Variants in GPC5 observed in about 807,000 individuals in gnomAD.
The protein encoded by GPC5 is glypican-5.
In GPC5, 47 loss-of-function variants were observed where a neutral mutation model predicts 53.9. That is an observed-to-expected ratio of 0.87 (90% confidence interval 0.69 to 1.11). The LOEUF is 1.11. Ranked by LOEUF, GPC5 falls within the 50% of genes most tolerant of loss-of-function variation. GPC5 has a pLI of 0.00. For missense variants in GPC5, 748 were observed against 713.1 expected (o/e 1.05, Z -0.56); for synonymous variants, 286 against 263.3 (o/e 1.09, Z -0.84).
intron 5 of GPC5, among the ~76,000 whole-genome samples, chr13:91,759,670 T>G (rs2037368684): frequency 6.6e-6 from 1 of 151,996 alleles, no homozygotes; most frequent in Non-Finnish European, 1.5e-5. Flanking sequence ...CATAATGGCC[T>G]CCAGTTCCAT....
At chr13:91,838,928 G>A (rs1224919340) in intron 5 of GPC5, among the ~76,000 whole-genome samples, 1 of 152,022 alleles carries the variant, frequency 6.6e-6, no homozygotes, top group Non-Finnish European at 1.5e-5. Flanking sequence ...TCATGAAATA[G>A]AGCCCTGAAC....
At chr13:91,529,905 A>T (rs2138655161) in intron 2 of GPC5, among the ~76,000 whole-genome samples, 1 of 152,032 alleles carries the variant, frequency 6.6e-6, no homozygotes, top group African/African-American at 2.4e-5. Context: ...CTGGCTCTCT[A>T]GTCTTGACCT....
At chr13:92,384,747 GAGC>G in intron 7 of GPC5, among the ~76,000 whole-genome samples, 1 of 152,166 alleles carries the variant, frequency 6.6e-6, no homozygotes, top group East Asian at 1.9e-4. Context: ...TTTAGAGAGA[GAGC>G]AGCATTTTCC....
At chr13:92,706,469 G>A (rs1186196274) in intron 7 of GPC5, among the ~76,000 whole-genome samples, 1 of 152,080 alleles carries the variant, frequency 6.6e-6, no homozygotes. Flanking sequence ...TAGCACTAGT[G>A]TTGGAAAATG....
intron 2 of GPC5, among the ~76,000 whole-genome samples, chr13:91,581,482 T>G (rs1012162185): frequency 5.3e-5 from 8 of 152,220 alleles, no homozygotes; most frequent in Non-Finnish European, 7.4e-5. Flanking sequence ...TGCTCTGATC[T>G]GCCTGCTTTC....
rs2040846025 is a variant in GPC5, at chr13:92,031,738, A to G, written c.1402-113092A>G. The stretch of plus-strand genomic sequence containing the variant: ...ACATATATGTAATATATTACATATT[A>G]TATATAATATATATTATATTACATA... On this transcript the variant is annotated intron_variant, in intron 6 of 7. Coordinates refer to ENST00000377067, the MANE Select transcript of GPC5 (RefSeq NM_004466.6). Among the ~76,000 whole-genome samples, 3 of 68,212 alleles carry G rather than the reference A, an allele frequency of 4.4e-5. No homozygotes were observed. The South Asian group carries it at 1.1e-3, about 24-fold the overall frequency. The allele number at this position is 68,212 out of a possible 152,430, so 44.7% of individuals were successfully genotyped here.
At chr13:91,878,000 C>T (rs1360723991) in intron 5 of GPC5, among the ~76,000 whole-genome samples, 1 of 152,102 alleles carries the variant, frequency 6.6e-6, no homozygotes, top group African/African-American at 2.4e-5. Flanking sequence ...TTTTCTCTTG[C>T]CATTGCCATG....
At chr13:92,656,333 A>G (rs1475867435) in intron 7 of GPC5, among the ~76,000 whole-genome samples, 2 of 152,322 alleles carry the variant, frequency 1.3e-5, no homozygotes, top group African/African-American at 4.8e-5. Flanking sequence ...GATGAATTAA[A>G]AGGATGTTTA....
chr13:91,556,398 A>G (rs929881117), intron 2 of GPC5, among the ~76,000 whole-genome samples: 10 of 151,998 alleles, frequency 6.6e-5, no homozygotes, highest in Non-Finnish European at 1.0e-4. Flanking sequence ...AGAGGAAAAG[A>G]AGTCATTATA....
intron 2 of GPC5, among the ~76,000 whole-genome samples, chr13:91,538,675 C>T (rs773205085): frequency 6.6e-6 from 1 of 151,466 alleles, no homozygotes; most frequent in Admixed American, 6.6e-5. Flanking sequence ...CTCCGCCTCC[C>T]GGATTCACGC....
At chr13:91,411,214 GA>G (rs1184265217) in intron 1 of GPC5, among the ~76,000 whole-genome samples, 2 of 152,222 alleles carry the variant, frequency 1.3e-5, no homozygotes, top group Non-Finnish European at 2.9e-5. Flanking sequence ...GGAAATATAA[GA>G]TGGTTTTAAG....
chr13:92,731,147 A>G (rs1306566326), intron 7 of GPC5, among the ~76,000 whole-genome samples: 2 of 151,470 alleles, frequency 1.3e-5, no homozygotes, highest in Non-Finnish European at 3.0e-5. Context: ...AAAGAACTCA[A>G]TAGGTTGAGA....
At chr13:92,078,617 C>T (rs1257109174) in intron 6 of GPC5, among the ~76,000 whole-genome samples, 1 of 152,236 alleles carries the variant, frequency 6.6e-6, no homozygotes, top group East Asian at 1.9e-4. Flanking sequence ...TTTAATCATA[C>T]TTGTCAGTCT....
chr13:91,414,582 A>G (rs765624548), intron 1 of GPC5, among the ~76,000 whole-genome samples: 12 of 152,234 alleles, frequency 7.9e-5, no homozygotes, highest in Non-Finnish European at 1.6e-4. Context: ...TCAAGGGACA[A>G]TGAAGACAAA....
intron 6 of GPC5, among the ~76,000 whole-genome samples, chr13:92,100,762 G>A (rs1479848607): frequency 6.6e-6 from 1 of 152,178 alleles, no homozygotes; most frequent in Admixed American, 6.5e-5. Flanking sequence ...AGACCAAGGA[G>A]TTAGAAACTA....
chr13:92,049,635 G>A lies in GPC5; in HGVS notation c.1402-95195G>A, dbSNP rs563184139. Reference sequence around the variant, plus strand: ...GGGAAAGATACTCTAAAATGCATCAGACTATTAGTATTATGCAAATTAATA... The same window carrying A: ...GGGAAAGATACTCTAAAATGCATCAAACTATTAGTATTATGCAAATTAATA... On this transcript the variant is annotated intron_variant, in intron 6 of 7. Transcript: ENST00000377067. Among the ~76,000 whole-genome samples, 132 of 152,158 alleles carry A rather than the reference G, an allele frequency of 8.7e-4. 1 individual carries two copies. The Middle Eastern group carries it at 0.034, about 39-fold the overall frequency.
intron 5 of GPC5, among the ~76,000 whole-genome samples, chr13:91,885,101 C>G (rs1195952959): frequency 1.3e-5 from 2 of 152,120 alleles, no homozygotes; most frequent in African/African-American, 4.8e-5. Flanking sequence ...AGGATTTTGG[C>G]TTCACAGTTT....
At chr13:91,726,973 C>A (rs1426010874) in intron 3 of GPC5, among the ~76,000 whole-genome samples, 1 of 152,172 alleles carries the variant, frequency 6.6e-6, no homozygotes, top group Non-Finnish European at 1.5e-5. Context: ...CCAGCCTTAC[C>A]TCTTCTTGCT....
At chr13:92,379,628 T>C (rs2043722634) in intron 7 of GPC5, among the ~76,000 whole-genome samples, 1 of 152,048 alleles carries the variant, frequency 6.6e-6, no homozygotes, top group Admixed American at 6.6e-5. Flanking sequence ...TATTAGTTCC[T>C]CTCTGTGTCC....
Sources: gnomAD v4.1 joint callset for allele counts (sites outside exome capture counted in the v4.1 genomes callset) on GRCh38, gnomAD v4.1.1 for gene constraint, MANE v1.5 for transcripts, NCBI Gene and HGNC (gene_info 2026-07-23, HGNC 2026-07-21) for gene names.